Variants in HSPBAP1 observed in about 807,000 individuals in gnomAD.
The protein encoded by HSPBAP1 is HSPB1-associated protein 1.
In HSPBAP1, 27 loss-of-function variants were observed where a neutral mutation model predicts 45.2. That is an observed-to-expected ratio of 0.60 (90% CI 0.44 to 0.82). HSPBAP1 has a LOEUF of 0.82. HSPBAP1 is among the 40% of genes least tolerant of loss of function. The pLI, the probability that HSPBAP1 is intolerant of heterozygous loss-of-function variation, is 0.00. For missense variants in HSPBAP1, 510 were observed against 590.9 expected (o/e 0.86, Z 1.42); for synonymous variants, 204 against 202.7 (o/e 1.01, Z -0.06).
At chr3:122,759,412 T>C in intron 3 of HSPBAP1, 52 bp from the exon 4 acceptor site, 3 of 1,556,790 alleles carry the variant, frequency 1.9e-6, no homozygotes, top group Non-Finnish European at 2.6e-6. Context: ...CTTCTCTGTA[T>C]GGTAATGCTG....
chr3:122,755,807 CA>C (rs1475923760), intron 4 of HSPBAP1, among the ~76,000 whole-genome samples: 1 of 152,126 alleles, frequency 6.6e-6, no homozygotes, highest in Non-Finnish European at 1.5e-5. Flanking sequence ...CCCACCCTTT[CA>C]AATATCTGTA....
intron 6 of HSPBAP1, among the ~76,000 whole-genome samples, chr3:122,747,415 C>G (rs960611126): frequency 6.6e-6 from 1 of 151,702 alleles, no homozygotes; most frequent in African/African-American, 2.4e-5. Context: ...AGCCCCTCCG[C>G]CCGGCAACCA....
intron 6 of HSPBAP1, among the ~76,000 whole-genome samples, chr3:122,742,821 C>T: frequency 6.6e-6 from 1 of 152,192 alleles, no homozygotes. Flanking sequence ...AAATTTCAGA[C>T]ATGCCAGCCA....
intron 2 of HSPBAP1, among the ~76,000 whole-genome samples, chr3:122,769,969 G>A (rs546438889): frequency 6.6e-6 from 1 of 152,278 alleles, no homozygotes; most frequent in South Asian, 2.1e-4. Flanking sequence ...GTGGGCCACC[G>A]TGCCCAGTCA....
intron 2 of HSPBAP1, among the ~76,000 whole-genome samples, chr3:122,769,469 T>C (rs570770139): frequency 2.6e-5 from 4 of 152,298 alleles, no homozygotes; most frequent in African/African-American, 7.2e-5. Context: ...TGAGTCAAGA[T>C]TGGAGTCAGT....
At chr3:122,747,513 G>A (rs1284081673) in intron 6 of HSPBAP1, among the ~76,000 whole-genome samples, 5 of 150,078 alleles carry the variant, frequency 3.3e-5, no homozygotes, top group African/African-American at 4.9e-5. Flanking sequence ...CTCCCGGCCA[G>A]CCGCCCCGTC....
chr3:122,792,519 G>A (rs1456050154), intron 1 of HSPBAP1, among the ~76,000 whole-genome samples: 1 of 151,944 alleles, frequency 6.6e-6, no homozygotes, highest in Non-Finnish European at 1.5e-5. Flanking sequence ...CTTGGAATGG[G>A]CATCTCCCCC....
At chr3:122,765,222 T>C (rs2107519466) in intron 3 of HSPBAP1, among the ~76,000 whole-genome samples, 1 of 152,340 alleles carries the variant, frequency 6.6e-6, no homozygotes, top group Admixed American at 6.5e-5. Flanking sequence ...GTTTGAAATT[T>C]GGATTGAAAT....
chr3:122,792,211 C>T (rs751659192), intron 1 of HSPBAP1, among the ~76,000 whole-genome samples: 2 of 152,142 alleles, frequency 1.3e-5, no homozygotes, highest in Non-Finnish European at 2.9e-5. Flanking sequence ...AGAGTTTGGC[C>T]ATTTTCACTT....
At chr3:122,778,834 C>CA (rs935171094) in intron 1 of HSPBAP1, among the ~76,000 whole-genome samples, 19 of 151,930 alleles carry the variant, frequency 1.3e-4, no homozygotes, top group Middle Eastern at 3.4e-3. Flanking sequence ...CCGGCCCACA[C>CA]AGTCTATGAT....
intron 3 of HSPBAP1, among the ~76,000 whole-genome samples, chr3:122,761,249 C>T (rs1229084301): frequency 1.3e-5 from 2 of 152,174 alleles, no homozygotes; most frequent in Non-Finnish European, 2.9e-5. Context: ...TACATCCCTT[C>T]AGGAATCTAA....
At chr3:122,778,206 G>GT (rs71136591) in intron 1 of HSPBAP1, among the ~76,000 whole-genome samples, 13,457 of 77,472 alleles carry the variant, frequency 0.17, 702 homozygotes, top group Non-Finnish European at 0.24. Flanking sequence ...TCAACAGGTA[G>GT]TTTTTTTTGT....
intron 3 of HSPBAP1, among the ~76,000 whole-genome samples, chr3:122,763,694 TTACTC>T (rs1346458646): frequency 6.6e-6 from 1 of 152,314 alleles, no homozygotes; most frequent in Admixed American, 6.5e-5. Flanking sequence ...ACAACTGTAA[TTACTC>T]TATTTTTTTC....
chr3:122,788,977 T>C (rs1049156735), intron 1 of HSPBAP1, among the ~76,000 whole-genome samples: 3 of 152,220 alleles, frequency 2.0e-5, no homozygotes, highest in Non-Finnish European at 2.9e-5. Context: ...GTATTGTTTT[T>C]CTGATACTCA....
intron 2 of HSPBAP1, among the ~76,000 whole-genome samples, chr3:122,774,641 G>A (rs1935125168): frequency 6.6e-6 from 1 of 152,200 alleles, no homozygotes; most frequent in African/African-American, 2.4e-5. Flanking sequence ...GGAATGGTGT[G>A]GGAAGGGAGG....
intron 5 of HSPBAP1, chr3:122,755,022 T>C (rs1232311157): frequency 8.5e-7 from 1 of 1,183,172 alleles, no homozygotes; most frequent in African/African-American, 1.6e-5. Context: ...CATTCTCCTC[T>C]TTACCAATAG....
At chr3:122,770,312 G>A (rs1387759145) in intron 2 of HSPBAP1, among the ~76,000 whole-genome samples, 1 of 152,180 alleles carries the variant, frequency 6.6e-6, no homozygotes, top group Non-Finnish European at 1.5e-5. Context: ...AGATTAAAAT[G>A]TACATATTCA....
chr3:122,743,097 A>C (rs764975693), intron 6 of HSPBAP1, among the ~76,000 whole-genome samples: 1 of 152,246 alleles, frequency 6.6e-6, no homozygotes, highest in Non-Finnish European at 1.5e-5. Context: ...GATTCATTAT[A>C]TACCATAAGA....
chr3:122,746,493 G>A (rs1933859129), intron 6 of HSPBAP1, among the ~76,000 whole-genome samples: 1 of 151,628 alleles, frequency 6.6e-6, no homozygotes, highest in Non-Finnish European at 1.5e-5. Context: ...CAGGTATCTA[G>A]TATATGATTA....
Sources: gnomAD v4.1 joint callset for allele counts (sites outside exome capture counted in the v4.1 genomes callset) on GRCh38, gnomAD v4.1.1 for gene constraint, MANE v1.5 for transcripts, NCBI Gene and HGNC (gene_info 2026-07-23, HGNC 2026-07-21) for gene names.